The following GRID2 variants were observed in gnomAD, a reference collection of about 807,000 sequenced individuals.
The protein encoded by GRID2 is glutamate ionotropic receptor delta type subunit 2.
In GRID2, 33 loss-of-function variants were observed where a neutral mutation model predicts 114.8. The ratio of observed to expected loss-of-function variants is 0.29; its 90% CI spans 0.22 to 0.38. GRID2 has a LOEUF of 0.38. Among genes scored for constraint, GRID2 ranks in the 10% least tolerant of loss-of-function variants. GRID2 has a pLI of 1.00. For synonymous variants in GRID2, 505 were observed against 449.9 expected, an observed-to-expected ratio of 1.12 and a Z score of -1.55; for missense variants, 1,184 against 1,257.7, an observed-to-expected ratio of 0.94 and a Z score of 0.89.
intron 1 of GRID2, among the ~76,000 whole-genome samples, chr4:92,565,322 A>G (rs2149186221): frequency 6.6e-6 from 1 of 152,132 alleles, no homozygotes; most frequent in East Asian, 1.9e-4. Context: ...TATGTGAATC[A>G]ACACTGTCAA....
At chr4:93,703,032 T>C (rs1416606112) in intron 14 of GRID2, among the ~76,000 whole-genome samples, 1 of 152,144 alleles carries the variant, frequency 6.6e-6, no homozygotes, top group Non-Finnish European at 1.5e-5. Context: ...AAAAAAGCTA[T>C]ACATTTTCAC....
intron 1 of GRID2, among the ~76,000 whole-genome samples, chr4:92,411,645 G>GTATATATATATA (rs1390740726): frequency 1.4e-3 from 127 of 92,678 alleles, no homozygotes; most frequent in Non-Finnish European, 2.2e-3. Flanking sequence ...GTGTGTGTGT[G>GTATATATATATA]TGTGTGTGTG....
intron 7 of GRID2, among the ~76,000 whole-genome samples, chr4:93,228,935 A>G (rs1745803638): frequency 6.6e-6 from 1 of 152,160 alleles, no homozygotes; most frequent in Non-Finnish European, 1.5e-5. Context: ...TTGCTGTTAG[A>G]AAATTTATAA....
At chr4:92,688,308 C>T (rs1011467383) in intron 2 of GRID2, among the ~76,000 whole-genome samples, 4 of 151,832 alleles carry the variant, frequency 2.6e-5, no homozygotes, top group South Asian at 2.1e-4. Context: ...CCTCAACCTC[C>T]CAAAGTGCTG....
intron 2 of GRID2, among the ~76,000 whole-genome samples, chr4:92,768,693 C>T (rs911031034): frequency 6.6e-6 from 1 of 152,124 alleles, no homozygotes; most frequent in Non-Finnish European, 1.5e-5. Flanking sequence ...AGGAGCAACT[C>T]ACGTCTTACA....
At chr4:93,376,251 TC>T (rs1180288724) in intron 8 of GRID2, among the ~76,000 whole-genome samples, 2 of 152,112 alleles carry the variant, frequency 1.3e-5, no homozygotes, top group African/African-American at 4.8e-5. Flanking sequence ...CAATGACGGA[TC>T]GTATGACTAC....
At chr4:93,057,513 G>T (rs1560834515) in intron 2 of GRID2, among the ~76,000 whole-genome samples, 1 of 151,686 alleles carries the variant, frequency 6.6e-6, no homozygotes, top group African/African-American at 2.4e-5. Context: ...ATGTTTCAAA[G>T]CAAGAAGAAG....
At chr4:92,438,803 GA>G (rs1282993338) in intron 1 of GRID2, among the ~76,000 whole-genome samples, 3 of 152,120 alleles carry the variant, frequency 2.0e-5, no homozygotes, top group Non-Finnish European at 4.4e-5. Context: ...GTAGATACAT[GA>G]ATGCTTATTC....
intron 14 of GRID2, among the ~76,000 whole-genome samples, chr4:93,713,680 C>T (rs577393912): frequency 6.6e-6 from 1 of 151,802 alleles, no homozygotes; most frequent in Non-Finnish European, 1.5e-5. Context: ...GATAGGGTTA[C>T]CAAGGAAAAG....
At chr4:93,453,359 A>T (rs189186367) in intron 10 of GRID2, among the ~76,000 whole-genome samples, 3,037 of 121,178 alleles carry the variant, frequency 0.025, 76 homozygotes, top group African/African-American at 0.082. Context: ...AGAGAGAGAG[A>T]GTGTGTGTAT....
intron 4 of GRID2, among the ~76,000 whole-genome samples, chr4:93,138,881 G>C (rs1735508181): frequency 6.6e-6 from 1 of 152,152 alleles, no homozygotes. Flanking sequence ...CTGAAATCGG[G>C]TCACAGTTGT....
chr4:93,156,247 A>G (rs1737174942), intron 4 of GRID2, among the ~76,000 whole-genome samples: 1 of 151,930 alleles, frequency 6.6e-6, no homozygotes, highest in Non-Finnish European at 1.5e-5. Context: ...TCTTAATAAA[A>G]GAAAAATAGA....
chr4:93,578,432 T>C (rs193095021), intron 13 of GRID2, among the ~76,000 whole-genome samples: 1 of 152,132 alleles, frequency 6.6e-6, no homozygotes, highest in East Asian at 1.9e-4. Flanking sequence ...AAATACTGTT[T>C]TTTGAAAAGA....
intron 2 of GRID2, among the ~76,000 whole-genome samples, chr4:92,953,297 G>A (rs893208555): frequency 3.3e-5 from 5 of 152,058 alleles, no homozygotes; most frequent in Non-Finnish European, 7.4e-5. Flanking sequence ...AAATGATGTC[G>A]AAAAGTAAGC....
At chr4:92,519,325 A>C (rs1482496665) in intron 1 of GRID2, among the ~76,000 whole-genome samples, 1 of 151,806 alleles carries the variant, frequency 6.6e-6, no homozygotes, top group East Asian at 2.0e-4. Flanking sequence ...GTGAAGAACA[A>C]ATGAGATATG....
chr4:92,627,000 A>G (rs12646471), intron 2 of GRID2, among the ~76,000 whole-genome samples: 7,164 of 152,250 alleles, frequency 0.047, 208 homozygotes, highest in East Asian at 0.094. Flanking sequence ...AATAGGAAAT[A>G]TAATAACTAA....
At chr4:92,443,629 G>T (rs903207780) in intron 1 of GRID2, among the ~76,000 whole-genome samples, 1 of 152,104 alleles carries the variant, frequency 6.6e-6, no homozygotes, top group South Asian at 2.1e-4. Context: ...TAGAAAAGCG[G>T]GACTTGCCGC....
intron 2 of GRID2, among the ~76,000 whole-genome samples, chr4:92,899,434 TG>T (rs1007185653): frequency 5.3e-5 from 8 of 152,188 alleles, no homozygotes; most frequent in African/African-American, 1.9e-4. Flanking sequence ...CACAAGTGGT[TG>T]AATTTCTGAG....
At chr4:93,623,264 G>A (rs1273216816) in intron 13 of GRID2, among the ~76,000 whole-genome samples, 2 of 151,982 alleles carry the variant, frequency 1.3e-5, no homozygotes, top group Non-Finnish European at 2.9e-5. Context: ...CAATCAACCT[G>A]TCACCTACAT....
Sources: gnomAD v4.1 joint callset for allele counts (sites outside exome capture counted in the v4.1 genomes callset) on GRCh38, gnomAD v4.1.1 for gene constraint, MANE v1.5 for transcripts, NCBI Gene and HGNC (gene_info 2026-07-23, HGNC 2026-07-21) for gene names.